The following KLHL2 variants were observed in gnomAD, a reference collection of about 807,000 sequenced individuals.
KLHL2 encodes kelch-like protein 2.
A neutral mutation model predicts 75.8 loss-of-function variants in KLHL2; 15 were observed. The ratio of observed to expected loss-of-function variants is 0.20; its 90% CI spans 0.13 to 0.30. The LOEUF is 0.30. Among genes scored for constraint, KLHL2 ranks in the 10% least tolerant of loss-of-function variants. The pLI is 1.00. For missense variants in KLHL2, 381 were observed against 741.0 expected (o/e 0.51, Z 5.64); for synonymous variants, 214 against 251.9 (o/e 0.85, Z 1.42).
intron 5 of KLHL2, chr4:165,279,621 A>C: frequency 6.2e-7 from 1 of 1,611,648 alleles, no homozygotes; most frequent in East Asian, 2.2e-5. Flanking sequence ...AATGGCCCCA[A>C]AACTGCCTTC....
chr4:165,267,479 A>G (rs1178851145), intron 5 of KLHL2, among the ~76,000 whole-genome samples: 1 of 152,102 alleles, frequency 6.6e-6, no homozygotes, highest in African/African-American at 2.4e-5. Context: ...ATTTTGAGAT[A>G]CGTTCCATCA....
chr4:165,214,414 C>T (rs1378665795), intron 1 of KLHL2, among the ~76,000 whole-genome samples: 2 of 152,074 alleles, frequency 1.3e-5, no homozygotes, highest in Admixed American at 6.6e-5. Flanking sequence ...TTACCGTGGT[C>T]CTTTTCCTGG....
chr4:165,286,934 T>G (rs1279174520), intron 5 of KLHL2, among the ~76,000 whole-genome samples: 1 of 152,210 alleles, frequency 6.6e-6, no homozygotes, highest in Non-Finnish European at 1.5e-5. Context: ...TTTGTTTTTA[T>G]TTTTGTTTTT....
Position 165,231,075 on chromosome 4 carries a change from T to A in KLHL2, c.259+2162T>A, listed in dbSNP as rs564834158. On this transcript the variant is annotated intron_variant, in intron 3 of 14. Coordinates refer to ENST00000226725, the MANE Select transcript of KLHL2 (RefSeq NM_007246.4). ...TTGAAAATAGGAATACTATGTTAAT[T>A]TCTGGCACATATACAAAATGTGAAT... Among the ~76,000 whole-genome samples the A allele has an allele frequency of 1.6e-4, 24 of 152,340 alleles. No individual in the cohort carries two copies. The East Asian group carries it at 4.4e-3, about 28-fold the overall frequency.
chr4:165,262,938 T>C (rs1741817133), intron 4 of KLHL2, among the ~76,000 whole-genome samples: 1 of 152,172 alleles, frequency 6.6e-6, no homozygotes, highest in Non-Finnish European at 1.5e-5. Context: ...AAACAAACCA[T>C]TAATCTTATA....
At chr4:165,269,256 T>G (rs1276044329) in intron 5 of KLHL2, among the ~76,000 whole-genome samples, 1 of 152,218 alleles carries the variant, frequency 6.6e-6, no homozygotes, top group Middle Eastern at 3.2e-3. Flanking sequence ...GGGTCTTGAC[T>G]CTTTATCCAA....
chr4:165,312,721 T>G (rs9685465), intron 11 of KLHL2, among the ~76,000 whole-genome samples: 30,457 of 152,188 alleles, frequency 0.2, 4,089 homozygotes, highest in African/African-American at 0.39. Context: ...TCTGAATATT[T>G]TAGTCATACA....
intron 9 of KLHL2, among the ~76,000 whole-genome samples, chr4:165,308,610 T>C (rs1487127374): frequency 1.3e-5 from 2 of 152,204 alleles, no homozygotes; most frequent in African/African-American, 4.8e-5. Context: ...ATTTATTTTC[T>C]TCCTCTCTGT....
intron 8 of KLHL2, 101 bp downstream of exon 8, chr4:165,299,757 A>G: frequency 2.7e-6 from 3 of 1,110,672 alleles, no homozygotes; most frequent in Non-Finnish European, 3.8e-6. Flanking sequence ...TTATTGTTTT[A>G]GTTTTCCTTC....
At chr4:165,209,511 A>G (rs1440340270) in intron 1 of KLHL2, 1 of 152,282 alleles carries the variant, frequency 6.6e-6, no homozygotes, top group African/African-American at 2.4e-5. Context: ...GGGAGGGAAT[A>G]GAGACACAGA....
At chr4:165,311,286 G>T (rs555168176) in intron 10 of KLHL2, among the ~76,000 whole-genome samples, 178 bp from the exon 11 acceptor site, 1 of 152,258 alleles carries the variant, frequency 6.6e-6, no homozygotes, top group South Asian at 2.1e-4. Context: ...AGTAGCTTAG[G>T]TAGGAGCCTT....
chr4:165,281,783 A>G (rs1379520697), intron 5 of KLHL2, among the ~76,000 whole-genome samples: 2 of 152,218 alleles, frequency 1.3e-5, no homozygotes, highest in African/African-American at 4.8e-5. Context: ...ACATACATAT[A>G]TGGAAGGATT....
chr4:165,293,818 A>G lies in KLHL2; in HGVS notation c.545-541A>G, dbSNP rs145193556. 3.8e-3 allele frequency among the ~76,000 whole-genome samples: 577 copies of G among 151,918 alleles called. 2 individuals carry two copies. The highest frequency in any genetic ancestry group is 0.013 in the African/African-American group (547 of 41,430). ...GGCATGAGCCACTGCGCCCGGCCCA[A>G]TTCTCTCTTTTTAAAAAAATGTTGG... On this transcript the variant is annotated intron_variant, in intron 5 of 14. Transcript: ENST00000226725.
intron 5 of KLHL2, among the ~76,000 whole-genome samples, chr4:165,274,406 G>A (rs1397509394): frequency 6.6e-6 from 1 of 152,058 alleles, no homozygotes; most frequent in Non-Finnish European, 1.5e-5. Flanking sequence ...TCATGAGATC[G>A]AGACCATCCT....
intron 5 of KLHL2, among the ~76,000 whole-genome samples, chr4:165,272,076 A>C (rs1374162541): frequency 1.3e-5 from 2 of 152,332 alleles, no homozygotes; most frequent in East Asian, 3.9e-4. Flanking sequence ...AAAAACAAAA[A>C]CCACAGTGCT....
At chr4:165,246,439 T>C (rs1740268443) in intron 4 of KLHL2, among the ~76,000 whole-genome samples, 4 of 151,906 alleles carry the variant, frequency 2.6e-5, no homozygotes, top group Admixed American at 2.6e-4. Context: ...GAGGATGGAC[T>C]GTGGGGGCAG....
At chr4:165,210,026 G>A in intron 1 of KLHL2, 2 of 1,533,580 alleles carry the variant, frequency 1.3e-6, no homozygotes. Context: ...CTCACTGCCA[G>A]AGCTGGGCTA....
chr4:165,272,366 ATTC>A (rs1298197119), intron 5 of KLHL2, among the ~76,000 whole-genome samples: 1 of 152,120 alleles, frequency 6.6e-6, no homozygotes, highest in Non-Finnish European at 1.5e-5. Context: ...AATGCAAGCA[ATTC>A]TGTTCAACTA....
At chr4:165,283,188 T>C (rs1399543596) in intron 5 of KLHL2, among the ~76,000 whole-genome samples, 3 of 152,164 alleles carry the variant, frequency 2.0e-5, no homozygotes, top group Non-Finnish European at 4.4e-5. Flanking sequence ...AACTATATCA[T>C]TCCACCTCTG....
Sources: allele counts gnomAD v4.1 joint callset (sites outside exome capture counted in the v4.1 genomes callset), GRCh38; gene constraint gnomAD v4.1.1; transcripts MANE v1.5; gene names NCBI Gene and HGNC (gene_info 2026-07-23, HGNC 2026-07-21).